The following PTPRD variants were observed in gnomAD, a reference collection of about 807,000 sequenced individuals.
PTPRD encodes protein tyrosine phosphatase receptor type D.
Under a neutral mutation model 214.5 loss-of-function variants are expected in PTPRD, and 34 were observed. The ratio of observed to expected loss-of-function variants is 0.16; its 90% CI spans 0.12 to 0.21. The LOEUF (loss-of-function observed/expected upper bound fraction) is 0.21, where lower values mean the gene tolerates loss of function less well. Among genes scored for constraint, PTPRD ranks in the 10% least tolerant of loss-of-function variants. The pLI, the probability that PTPRD is intolerant of heterozygous loss-of-function variation, is 1.00. For missense variants in PTPRD, 2,545 were observed against 2,398.7 expected, an observed-to-expected ratio of 1.06 and a Z score of -1.27; for synonymous variants, 1,128 against 845.7, an observed-to-expected ratio of 1.33 and a Z score of -5.79.
chr9:10,538,725 T>C (rs2058440719), intron 2 of PTPRD, among the ~76,000 whole-genome samples: 1 of 152,156 alleles, frequency 6.6e-6, no homozygotes, highest in South Asian at 2.1e-4. Flanking sequence ...CCAATCTAAA[T>C]CATATAAAGG....
intron 3 of PTPRD, among the ~76,000 whole-genome samples, chr9:10,281,073 C>A (rs2095080252): frequency 6.6e-6 from 1 of 152,148 alleles, no homozygotes; most frequent in African/African-American, 2.4e-5. Context: ...TTTTCCCAAG[C>A]AAATCTGTAA....
At chr9:9,156,955 C>T (rs575421711) in intron 10 of PTPRD, among the ~76,000 whole-genome samples, 2 of 152,162 alleles carry the variant, frequency 1.3e-5, no homozygotes, top group African/African-American at 4.8e-5. Flanking sequence ...AGGAACAATT[C>T]CACACTCTCA....
At chr9:10,056,838 A>G (rs2097660193) in intron 3 of PTPRD, among the ~76,000 whole-genome samples, 1 of 152,160 alleles carries the variant, frequency 6.6e-6, no homozygotes, top group African/African-American at 2.4e-5. Flanking sequence ...TCACTTGAGT[A>G]TTATTTATTG....
At chr9:10,608,395 C>T (rs1035773113) in intron 2 of PTPRD, among the ~76,000 whole-genome samples, 1 of 151,912 alleles carries the variant, frequency 6.6e-6, no homozygotes, top group East Asian at 1.9e-4. Flanking sequence ...CCATCCTGCT[C>T]CTTCAAAAAC....
At chr9:10,240,830 A>G (rs2090880539) in intron 3 of PTPRD, among the ~76,000 whole-genome samples, 1 of 151,876 alleles carries the variant, frequency 6.6e-6, no homozygotes, top group Non-Finnish European at 1.5e-5. Flanking sequence ...TGAATCATGA[A>G]CTACAAAATT....
intron 2 of PTPRD, among the ~76,000 whole-genome samples, chr9:10,499,470 C>A (rs1389892808): frequency 6.6e-5 from 10 of 151,898 alleles, no homozygotes; most frequent in African/African-American, 2.4e-4. Context: ...CCGGACAGTT[C>A]ATGTTTTCCT....
chr9:10,130,148 G>A (rs1417578395), intron 3 of PTPRD, among the ~76,000 whole-genome samples: 1 of 148,150 alleles, frequency 6.7e-6, no homozygotes, highest in African/African-American at 2.5e-5. Flanking sequence ...AGCACTAACA[G>A]TTTTACATAA....
intron 2 of PTPRD, among the ~76,000 whole-genome samples, chr9:10,610,991 T>C (rs1032368779): frequency 3.9e-5 from 6 of 152,148 alleles, no homozygotes; most frequent in African/African-American, 1.4e-4. Flanking sequence ...GGTAAAAATA[T>C]ACTCATTCTA....
intron 9 of PTPRD, among the ~76,000 whole-genome samples, chr9:9,282,287 G>A (rs1947994571): frequency 6.6e-6 from 1 of 151,112 alleles, no homozygotes; most frequent in Non-Finnish European, 1.5e-5. Flanking sequence ...ATTCTGTTGG[G>A]GGATGTTGAT....
intron 5 of PTPRD, among the ~76,000 whole-genome samples, chr9:9,844,008 G>C (rs548667349): frequency 2.6e-5 from 4 of 152,044 alleles, no homozygotes; most frequent in South Asian, 2.1e-4. Context: ...AAATACAGGT[G>C]TTCTAGTGCT....
intron 11 of PTPRD, among the ~76,000 whole-genome samples, chr9:8,891,436 T>G (rs1436265041): frequency 1.4e-5 from 2 of 142,520 alleles, no homozygotes; most frequent in African/African-American, 5.6e-5. Flanking sequence ...CTGGTCAATC[T>G]AATTTTTTTT....
intron 3 of PTPRD, among the ~76,000 whole-genome samples, chr9:10,204,084 T>TA (rs2154336142): frequency 6.6e-6 from 1 of 152,308 alleles, no homozygotes; most frequent in African/African-American, 2.4e-5. Flanking sequence ...CCATTGCTGC[T>TA]AAATCTCTGG....
intron 2 of PTPRD, among the ~76,000 whole-genome samples, chr9:10,408,022 C>A (rs2098392440): frequency 6.6e-6 from 1 of 151,508 alleles, no homozygotes; most frequent in Non-Finnish European, 1.5e-5. Flanking sequence ...ATACATATCA[C>A]ACATGCACCT....
At chr9:10,211,757 T>C (rs1453405517) in intron 3 of PTPRD, among the ~76,000 whole-genome samples, 1 of 151,992 alleles carries the variant, frequency 6.6e-6, no homozygotes, top group Non-Finnish European at 1.5e-5. Context: ...TGTGCAAACA[T>C]GGACATAGAG....
At chr9:10,381,699 C>T (rs748914730) in intron 2 of PTPRD, among the ~76,000 whole-genome samples, 4 of 152,006 alleles carry the variant, frequency 2.6e-5, no homozygotes, top group South Asian at 4.1e-4. Flanking sequence ...ATGTAGTTTA[C>T]CACATACAAA....
chr9:9,914,999 G>A (rs527410715), intron 5 of PTPRD, among the ~76,000 whole-genome samples: 6 of 152,260 alleles, frequency 3.9e-5, no homozygotes, highest in Non-Finnish European at 1.5e-5. Flanking sequence ...TGGACTCACT[G>A]TGTGCACACA....
intron 8 of PTPRD, among the ~76,000 whole-genome samples, chr9:9,446,235 T>C (rs2090355240): frequency 6.6e-6 from 1 of 152,160 alleles, no homozygotes; most frequent in African/African-American, 2.4e-5. Flanking sequence ...TACAATCATA[T>C]TAAGGTTAAC....
At chr9:9,385,284 T>A (rs1438244447) in intron 9 of PTPRD, among the ~76,000 whole-genome samples, 1 of 152,170 alleles carries the variant, frequency 6.6e-6, no homozygotes, top group Non-Finnish European at 1.5e-5. Flanking sequence ...AACATTTATT[T>A]GCCACAGTTT....
At chr9:8,930,606 C>A (rs1364256902) in intron 11 of PTPRD, among the ~76,000 whole-genome samples, 1 of 152,206 alleles carries the variant, frequency 6.6e-6, no homozygotes, top group African/African-American at 2.4e-5. Flanking sequence ...TGTTTTCCCA[C>A]ATCCTCTCCA....
Sources: gnomAD v4.1 joint callset for allele counts (sites outside exome capture counted in the v4.1 genomes callset) on GRCh38, gnomAD v4.1.1 for gene constraint, MANE v1.5 for transcripts, NCBI Gene and HGNC (gene_info 2026-07-23, HGNC 2026-07-21) for gene names.